Variants in DLG5 observed in about 807,000 individuals in gnomAD.
DLG5 encodes disks large homolog 5.
Under a neutral mutation model 189.8 loss-of-function variants are expected in DLG5, and 48 were observed. The ratio of observed to expected loss-of-function variants is 0.25; its 90% confidence interval spans 0.20 to 0.32. The LOEUF is 0.32. Among genes scored for constraint, DLG5 ranks in the 10% least tolerant of loss-of-function variants. DLG5 has a pLI of 1.00. For synonymous variants in DLG5, 1,016 were observed against 1,054.1 expected (o/e 0.96, Z 0.70); for missense variants, 2,160 against 2,544.7 (o/e 0.85, Z 3.25).
intron 5 of DLG5, among the ~76,000 whole-genome samples, chr10:77,847,825 G>A (rs960944550): frequency 6.6e-6 from 1 of 152,060 alleles, no homozygotes; most frequent in African/African-American, 2.4e-5. Flanking sequence ...TCCTGCCTCC[G>A]CCTCCCAAGT....
chr10:77,828,362 C>A (rs187172521), intron 13 of DLG5, among the ~76,000 whole-genome samples: 63 of 152,026 alleles, frequency 4.1e-4, no homozygotes, highest in African/African-American at 1.5e-3. Flanking sequence ...GGTGCACACC[C>A]TGTAATCCCA....
intron 1 of DLG5, among the ~76,000 whole-genome samples, chr10:77,883,033 G>A (rs758928771): frequency 9.9e-5 from 15 of 152,074 alleles, no homozygotes; most frequent in Non-Finnish European, 2.1e-4. Context: ...GCAATTCTAC[G>A]CTGACTTTCA....
At chr10:77,848,028 G>A (rs1488081108) in intron 5 of DLG5, among the ~76,000 whole-genome samples, 2 of 152,114 alleles carry the variant, frequency 1.3e-5, no homozygotes, top group African/African-American at 4.8e-5. Context: ...TTTCCACTCA[G>A]GCAGGCAGCA....
chr10:77,918,171 G>A (rs1846424535), intron 1 of DLG5, among the ~76,000 whole-genome samples: 1 of 152,114 alleles, frequency 6.6e-6, no homozygotes, highest in African/African-American at 2.4e-5. Flanking sequence ...AGCACTTTGA[G>A]AGGCCAAGGT....
intron 1 of DLG5, among the ~76,000 whole-genome samples, chr10:77,911,899 T>TA (rs567850067): frequency 0.024 from 3,261 of 138,378 alleles, 38 homozygotes; most frequent in Non-Finnish European, 0.035. Flanking sequence ...AACATTTTCT[T>TA]AAAAAAAAAA....
Position 77,792,350 on chromosome 10 carries a change from G to T in DLG5, c.*90C>A. 1 of 1,292,806 alleles carries T rather than the reference G, an allele frequency of 7.7e-7. No homozygotes were observed. The highest frequency in any genetic ancestry group is 1.1e-6 in the Non-Finnish European group (1 of 892,076). 80.1% of individuals were successfully genotyped at this position (1,292,806 alleles called of 1,614,324 possible). A position where few individuals can be genotyped will look rare whatever the true frequency, so the allele number is the denominator to read the frequency against. On this transcript the variant is annotated 3_prime_UTR_variant, in exon 32 of 32. Transcript: ENST00000372391. ...TCCTTCCCCCGCATGTTCATAGACG[G>T]ACAGACTTCTACTTTCAGTCGCTAG...
At chr10:77,792,832 G>T in intron 31 of DLG5, 1 of 432,338 alleles carries the variant, frequency 2.3e-6, no homozygotes, top group East Asian at 4.1e-5. Context: ...GAAGTTTGGA[G>T]GACATGTGGC....
chr10:77,801,492 C>T (rs191029755), intron 27 of DLG5, among the ~76,000 whole-genome samples: 7 of 152,182 alleles, frequency 4.6e-5, no homozygotes, highest in South Asian at 2.1e-4. Flanking sequence ...ACAAAAACCC[C>T]GAGGAGAGGC....
In DLG5 at chr10:77,816,571, G is replaced by A. The variant is rs145832769; in HGVS notation, c.4005C>T (p.Leu1335=). 5.8e-5 allele frequency: 93 copies of A among 1,614,108 alleles called. No individual in the cohort carries two copies. In the African/African-American group the frequency reaches 6.1e-4, roughly 11 times the overall value. Residue 1335 remains leucine (L), a synonymous_variant, in exon 20 of 32, where the codon CTC becomes CTT. Coordinates refer to ENST00000372391, the MANE Select transcript of DLG5 (RefSeq NM_004747.4). The stretch of plus-strand genomic sequence containing the variant: ...CTCACCTGTCCTTTCTCCGCTCCCC[G>A]AGGGACGCGGGGTTGACAGCGATTC... The part of the protein sequence containing the change: ...LPRIAVNPAS[L]GERRKDRPYV...
chr10:77,871,715 T>C lies in DLG5; in HGVS notation c.305-2518A>G, dbSNP rs184221976. ...CCACCACCATGCCTGCCTAATTTTT[T>C]CTATTTTTAGTAGAGACAGGGTTTT... On this transcript the variant is annotated intron_variant, in intron 1 of 31. Coordinates refer to ENST00000372391, the MANE Select transcript of DLG5 (RefSeq NM_004747.4). Among the ~76,000 whole-genome samples the C allele has an allele frequency of 2.4e-3, 359 of 151,904 alleles. 2 individuals carry two copies. The highest frequency in any genetic ancestry group is 0.023 in the South Asian group (112 of 4,796).
At chr10:77,840,507 C>A (rs2154576259) in intron 7 of DLG5, among the ~76,000 whole-genome samples, 1 of 152,286 alleles carries the variant, frequency 6.6e-6, no homozygotes, top group African/African-American at 2.4e-5. Context: ...CGCTTGAGTC[C>A]AGGAGTTCGA....
At chr10:77,869,808 T>C (rs1466228012) in intron 1 of DLG5, among the ~76,000 whole-genome samples, 1 of 152,150 alleles carries the variant, frequency 6.6e-6, no homozygotes. Context: ...ACACAACCAC[T>C]GTGGTTTGGT....
chr10:77,901,233 C>T (rs1271894272), intron 1 of DLG5, among the ~76,000 whole-genome samples: 1 of 152,202 alleles, frequency 6.6e-6, no homozygotes, highest in African/African-American at 2.4e-5. Flanking sequence ...GCTGTGCTGC[C>T]GTCTGCTCCC....
chr10:77,823,349 C>T (rs980385022), intron 14 of DLG5, among the ~76,000 whole-genome samples: 7 of 152,232 alleles, frequency 4.6e-5, no homozygotes, highest in Non-Finnish European at 7.4e-5. Flanking sequence ...TTTCTAAATT[C>T]GGCCTATTTT....
chr10:77,820,674 A>T (rs1023925959), intron 15 of DLG5: 2 of 213,442 alleles, frequency 9.4e-6, no homozygotes, highest in Non-Finnish European at 1.9e-5. Context: ...TGCTTTCCAC[A>T]GTCCCCAGCA....
intron 1 of DLG5, among the ~76,000 whole-genome samples, chr10:77,877,293 T>A (rs1845130301): frequency 7.2e-6 from 1 of 138,704 alleles, no homozygotes; most frequent in Non-Finnish European, 1.5e-5. Context: ...GTTTTGGTCT[T>A]TTTCTTTACT....
intron 26 of DLG5, among the ~76,000 whole-genome samples, chr10:77,806,497 C>G (rs1841478814): frequency 6.6e-6 from 1 of 152,150 alleles, no homozygotes; most frequent in Admixed American, 6.5e-5. Context: ...CGGCAAGGCA[C>G]GAGTATCTCC....
intron 1 of DLG5, among the ~76,000 whole-genome samples, chr10:77,886,461 G>A (rs1036681068): frequency 6.6e-6 from 1 of 150,796 alleles, no homozygotes; most frequent in Non-Finnish European, 1.5e-5. Flanking sequence ...CCACCTCCCA[G>A]GTTCGCCTCA....
chr10:77,895,967 G>A (rs2012803), intron 1 of DLG5, among the ~76,000 whole-genome samples: 4,187 of 152,134 alleles, frequency 0.028, 216 homozygotes, highest in East Asian at 0.26. Context: ...CTTTTGATGT[G>A]GGGTCACTGG....
Sources: allele counts gnomAD v4.1 joint callset (sites outside exome capture counted in the v4.1 genomes callset), GRCh38; gene constraint gnomAD v4.1.1; transcripts MANE v1.5; gene names NCBI Gene and HGNC (gene_info 2026-07-23, HGNC 2026-07-21).